Variants in ZNF704 observed in about 807,000 individuals in gnomAD.
The protein encoded by ZNF704 is zinc finger protein 704, also known as glucocorticoid induced gene 1.
A neutral mutation model predicts 44.7 loss-of-function variants in ZNF704; 10 were observed. The observed-to-expected ratio is 0.22, with a 90% CI of 0.14 to 0.38. The LOEUF is 0.38. Ranked by LOEUF, ZNF704 falls within the 10% of genes least tolerant of loss-of-function variation. The pLI, the probability that ZNF704 is intolerant of heterozygous loss-of-function variation, is 1.00. For synonymous variants in ZNF704, 211 were observed against 207.6 expected, an observed-to-expected ratio of 1.02 and a Z score of -0.14; for missense variants, 390 against 545.5, an observed-to-expected ratio of 0.71 and a Z score of 2.84.
At chr8:80,687,129 G>C in intron 4 of ZNF704, 97 bp downstream of exon 4, 2 of 962,682 alleles carry the variant, frequency 2.1e-6, no homozygotes, top group Non-Finnish European at 3.2e-6. Flanking sequence ...CAGAAAGGGG[G>C]TGTAGGTCCA....
chr8:80,715,208 T>C (rs1819053711), intron 2 of ZNF704, among the ~76,000 whole-genome samples: 1 of 152,262 alleles, frequency 6.6e-6, no homozygotes, highest in African/African-American at 2.4e-5. Flanking sequence ...TTTCGGACAC[T>C]ATTAATGTAT....
rs1392025445 is a variant in ZNF704, at chr8:80,874,443, G to T, written c.-22+128C>A. 1 of 150,704 alleles carries T rather than the reference G, an allele frequency of 6.6e-6. No individual in the cohort carries two copies. Among genetic ancestry groups the T allele is most frequent in the Non-Finnish European group, 1.5e-5 (1 of 67,568 alleles). The allele number at this position is 150,704 out of a possible 1,614,324, so 9.3% of individuals were successfully genotyped here. A position where few individuals can be genotyped will look rare whatever the true frequency, so the allele number is the denominator to read the frequency against. ...CGCGCGCTCCGGGCCTACCGCTGCC[G>T]TGCCTCGGCGCGAGCTGTTTGTGTT... On this transcript the variant is annotated intron_variant, in intron 1 of 8. Transcript: ENST00000327835. The surrounding 1 kb of genome is among the most constrained non-coding windows in gnomAD (Gnocchi z 4.4).
chr8:80,808,337 G>A (rs1808024985), intron 2 of ZNF704, among the ~76,000 whole-genome samples: 1 of 150,808 alleles, frequency 6.6e-6, no homozygotes, highest in Non-Finnish European at 1.5e-5. Flanking sequence ...ACAAAGAAAG[G>A]GAGTTATTAA....
intron 7 of ZNF704, among the ~76,000 whole-genome samples, chr8:80,652,133 C>T (rs1314352699): frequency 6.6e-6 from 1 of 152,158 alleles, no homozygotes; most frequent in Non-Finnish European, 1.5e-5. Context: ...AACAAAGACA[C>T]AACATACCAG....
chr8:80,663,916 T>C (rs1361399632), intron 6 of ZNF704, among the ~76,000 whole-genome samples: 1 of 150,918 alleles, frequency 6.6e-6, no homozygotes, highest in Non-Finnish European at 1.5e-5. Flanking sequence ...TTTTTGTAGA[T>C]ATGGGGGTCT....
intron 2 of ZNF704, among the ~76,000 whole-genome samples, chr8:80,703,255 G>A (rs1167632879): frequency 6.6e-6 from 1 of 151,856 alleles, no homozygotes; most frequent in Non-Finnish European, 1.5e-5. Flanking sequence ...CTTGGAACAA[G>A]CTTTCTTCTC....
chr8:80,701,965 T>G (rs1818817580), intron 2 of ZNF704, among the ~76,000 whole-genome samples: 1 of 152,008 alleles, frequency 6.6e-6, no homozygotes, highest in Middle Eastern at 3.4e-3. Flanking sequence ...GAAGTTAGAG[T>G]GTTTTCCTGT....
intron 1 of ZNF704, among the ~76,000 whole-genome samples, chr8:80,825,203 AG>A (rs552807153): frequency 0.014 from 2,171 of 152,272 alleles, 60 homozygotes; most frequent in African/African-American, 0.049. Context: ...AGACACACAT[AG>A]GCTCAAAATA....
intron 2 of ZNF704, among the ~76,000 whole-genome samples, chr8:80,786,255 C>T (rs1157862221): frequency 6.6e-6 from 1 of 151,252 alleles, no homozygotes; most frequent in East Asian, 2.0e-4. Context: ...AAAGCAGGAC[C>T]CTGTCTTAAA....
intron 1 of ZNF704, among the ~76,000 whole-genome samples, 183 bp from the exon 2 acceptor site, chr8:80,821,798 T>C (rs535146661): frequency 2.6e-4 from 40 of 152,324 alleles, no homozygotes; most frequent in African/African-American, 9.6e-4. Context: ...ATACAATCAA[T>C]GCATCTGTAA....
chr8:80,729,707 G>T (rs959706132), intron 2 of ZNF704, among the ~76,000 whole-genome samples: 1 of 152,180 alleles, frequency 6.6e-6, no homozygotes, highest in African/African-American at 2.4e-5. Flanking sequence ...ATGCTGACTG[G>T]CTGGCAGGTA....
At chr8:80,792,429 G>A (rs117932369) in intron 2 of ZNF704, among the ~76,000 whole-genome samples, 154 of 152,226 alleles carry the variant, frequency 1.0e-3, no homozygotes, top group Non-Finnish European at 1.1e-3. Context: ...ACTCTAACAT[G>A]ACCCCCAAAG....
At chr8:80,642,243 G>A (rs1377186615) in intron 8 of ZNF704, among the ~76,000 whole-genome samples, 10 of 152,046 alleles carry the variant, frequency 6.6e-5, no homozygotes, top group Admixed American at 3.3e-4. Context: ...GTCGATCTTC[G>A]CAATCTCAGT....
At chr8:80,795,344 C>T (rs10504718) in intron 2 of ZNF704, among the ~76,000 whole-genome samples, 2 of 151,922 alleles carry the variant, frequency 1.3e-5, no homozygotes, top group African/African-American at 2.4e-5. Flanking sequence ...TAAAACAAGG[C>T]GTTATAAATC....
Position 80,631,425 on chromosome 8 carries a change from T to A in ZNF704, c.*9941A>T, listed in dbSNP as rs975204821. 1 of 152,220 alleles carries A rather than the reference T, an allele frequency of 6.6e-6. No individual in the cohort carries two copies. Among genetic ancestry groups the A allele is most frequent in the African/African-American group, 2.4e-5 (1 of 41,460 alleles). The allele number at this position is 152,220 out of a possible 1,614,324, so 9.4% of individuals were successfully genotyped here. ...CATAAATACGAAATTATAACAATTA[T>A]ATGCTGCAGGAGCCACTTCCTTTTC... is the stretch of plus-strand genomic sequence containing the variant. On this transcript the variant is annotated 3_prime_UTR_variant, in exon 9 of 9. Coordinates refer to ENST00000327835, the MANE Select transcript of ZNF704 (RefSeq NM_001033723.3).
chr8:80,734,852 C>A (rs192833624), intron 2 of ZNF704, among the ~76,000 whole-genome samples: 62 of 152,356 alleles, frequency 4.1e-4, no homozygotes, highest in African/African-American at 1.4e-3. Context: ...TGGCCTTCAG[C>A]CTAGGACATA....
At chr8:80,793,815 C>G (rs1807753368) in intron 2 of ZNF704, among the ~76,000 whole-genome samples, 1 of 151,932 alleles carries the variant, frequency 6.6e-6, no homozygotes, top group Non-Finnish European at 1.5e-5. Flanking sequence ...CTCTATGTAC[C>G]ACAATGAAAA....
At chr8:80,818,359 A>G (rs949568363) in intron 2 of ZNF704, among the ~76,000 whole-genome samples, 3 of 152,072 alleles carry the variant, frequency 2.0e-5, no homozygotes, top group African/African-American at 7.2e-5. Context: ...TATATATTTT[A>G]TAAGATATGG....
chr8:80,723,772 A>ATT (rs1238378660), intron 2 of ZNF704, among the ~76,000 whole-genome samples: 1 of 152,238 alleles, frequency 6.6e-6, no homozygotes, highest in Non-Finnish European at 1.5e-5. Flanking sequence ...CTTGCAGAGG[A>ATT]TTCATGAGCA....
Sources: gnomAD v4.1 joint callset for allele counts (sites outside exome capture counted in the v4.1 genomes callset) on GRCh38, gnomAD v4.1.1 for gene constraint, Gnocchi (gnomAD v3.1) non-coding constraint, MANE v1.5 for transcripts, NCBI Gene and HGNC (gene_info 2026-07-23, HGNC 2026-07-21) for gene names.